SMARCD1: variants seen among roughly 807,000 people sequenced by gnomAD.
The protein encoded by SMARCD1 is SWI/SNF-related matrix-associated actin-dependent regulator of chromatin subfamily D member 1.
Under a neutral mutation model 70.8 loss-of-function variants are expected in SMARCD1, and 16 were observed. The observed-to-expected ratio is 0.23, with a 90% CI of 0.15 to 0.34. SMARCD1 has a LOEUF of 0.34. SMARCD1 is among the 10% of genes least tolerant of loss of function. The probability of loss-of-function intolerance (pLI) is 1.00; values close to 1 mark genes in which losing one functional copy is unlikely to be tolerated. For missense variants in SMARCD1, 409 were observed against 655.5 expected (o/e 0.62, Z 4.11); for synonymous variants, 249 against 246.0 (o/e 1.01, Z -0.11).
chr12:50,086,907 C>T (rs750657467), intron 4 of SMARCD1, 29 bp downstream of exon 4: 1 of 1,610,916 alleles, frequency 6.2e-7, no homozygotes. Flanking sequence ...AGGCAGAGAG[C>T]CAAAGGAGAG....
chr12:50,085,542 A>G lies in SMARCD1; in HGVS notation c.173A>G (p.Tyr58Cys). The G allele has an allele frequency of 2.4e-6, 3 of 1,225,504 alleles. No individual in the cohort carries two copies. The highest frequency in any genetic ancestry group is 3.0e-6 in the Non-Finnish European group (3 of 983,796). 75.9% of individuals were successfully genotyped at this position (1,225,504 alleles called of 1,614,324 possible). Residue 58 changes from tyrosine to cysteine, a missense_variant, in exon 1 of 13, where the codon TAT (tyrosine) becomes TGT (cysteine). Transcript: ENST00000394963. ...LYRSPMPGAA[Y>C]PRPGMLPGSR... ...CGCTCCCCGATGCCCGGAGCGGCCT[A>G]TCCGGTGAGTGGGGCAGGAGGAGGG...
At chr12:50,086,395 G>GAC (rs1044517094) in intron 2 of SMARCD1, 47 bp downstream of exon 2, 1 of 1,427,348 alleles carries the variant, frequency 7.0e-7, no homozygotes, top group African/African-American at 1.4e-5. Context: ...AGCCTGGGAG[G>GAC]ACACAGGTGG....
chr12:50,100,306 CAA>C lies in SMARCD1; in HGVS notation c.*1308_*1309del, dbSNP rs1330674526. On this transcript the variant is annotated 3_prime_UTR_variant, in exon 13 of 13. Coordinates refer to ENST00000394963, the MANE Select transcript of SMARCD1 (RefSeq NM_003076.5). ...ATGGGCTCTAAACCCACAGAACTGA[CAA>C]AGCCCCTGCTTCCCCACCCCCTCCT... is the stretch of plus-strand genomic sequence containing the variant. 2 of 152,678 alleles carry C rather than the reference CAA, an allele frequency of 1.3e-5. No individual in the cohort carries two copies. The highest frequency in any genetic ancestry group is 4.8e-5 in the African/African-American group (2 of 41,436). The allele number at this position is 152,678 out of a possible 1,614,324, so 9.5% of individuals were successfully genotyped here. A position where few individuals can be genotyped will look rare whatever the true frequency, so the allele number is the denominator to read the frequency against.
chr12:50,094,261 C>T (rs758382353), intron 9 of SMARCD1, among the ~76,000 whole-genome samples, 176 bp from the exon 10 acceptor site: 12 of 152,120 alleles, frequency 7.9e-5, no homozygotes, highest in Non-Finnish European at 1.5e-4. Flanking sequence ...TTTGCCAGAT[C>T]TGTACACCAT....
In SMARCD1 at chr12:50,094,433, C is replaced by T. The variant is rs776641584; in HGVS notation, c.1134-4C>T. 26 of 1,613,412 alleles carry T rather than the reference C, an allele frequency of 1.6e-5. No homozygotes were observed. Among genetic ancestry groups the T allele is most frequent in the Non-Finnish European group, 2.2e-5 (26 of 1,179,670 alleles). On this transcript the variant is annotated splice_region_variant and splice_polypyrimidine_tract_variant and intron_variant, in intron 9 of 12. Transcript: ENST00000394963. ...TTACCAGGCTCCTTTGGTTTCCTGT[C>T]CAGTGTTGACCCGAATGATCAGAAA...
intron 7 of SMARCD1, 126 bp downstream of exon 7, chr12:50,090,111 A>G (rs1003632041): frequency 7.8e-7 from 1 of 1,280,848 alleles, no homozygotes; most frequent in Admixed American, 2.0e-5. Context: ...AGTCTTAGTC[A>G]TCTCTGAGTT....
chr12:50,090,169 A>T, intron 7 of SMARCD1, 72 bp from the exon 8 acceptor site: 2 of 1,458,770 alleles, frequency 1.4e-6, no homozygotes, highest in Non-Finnish European at 1.9e-6. Flanking sequence ...TTATTTGTTG[A>T]ATAGCTTGAA....
intron 5 of SMARCD1, 58 bp downstream of exon 5, chr12:50,087,543 G>C: frequency 6.3e-7 from 1 of 1,590,194 alleles, no homozygotes; most frequent in Non-Finnish European, 8.6e-7. Context: ...GGAATGAACA[G>C]TGTTGTCTGG....
At chr12:50,092,232 T>C (rs1950850737) in intron 9 of SMARCD1, among the ~76,000 whole-genome samples, 1 of 112,098 alleles carries the variant, frequency 8.9e-6, no homozygotes, top group Non-Finnish European at 1.8e-5. Context: ...CTTTTCTTTC[T>C]TTCTTTTTTT....
intron 11 of SMARCD1, 21 bp downstream of exon 11, chr12:50,096,993 C>T (rs368159283): frequency 1.2e-6 from 2 of 1,600,198 alleles, no homozygotes; most frequent in Non-Finnish European, 8.5e-7. Flanking sequence ...TAGGAGAGGT[C>T]TGAAGGGACT....
At chr12:50,089,190 A>C (rs1216624035) in intron 6 of SMARCD1, 3 of 152,304 alleles carry the variant, frequency 2.0e-5, no homozygotes, top group Non-Finnish European at 4.4e-5. Context: ...GCAAAACCAG[A>C]ATGACAGTCC....
Position 50,086,282 on chromosome 12 carries a change from G to A in SMARCD1, c.299G>A (p.Arg100His). The change falls in exon 2 of 13, where the codon CGC becomes CAC. Residue 100 changes from arginine to histidine, a missense_variant. Arg to His is a conservative substitution (Grantham distance 29, BLOSUM62 0). Coordinates refer to ENST00000394963, the MANE Select transcript of SMARCD1 (RefSeq NM_003076.5). ...GCCCAGTCAGGGATGGATCAGTCCCGCAAGAGACCTGCCCCTCAGCAGATC... is the reference window on the plus strand; with the variant it reads ...GCCCAGTCAGGGATGGATCAGTCCCACAAGAGACCTGCCCCTCAGCAGATC... ...GLAQSGMDQS[R>H]KRPAPQQIQQ... is the part of the protein sequence containing the mutation. 1 of 1,610,506 alleles carries A rather than the reference G, an allele frequency of 6.2e-7. No homozygotes were observed. The highest frequency in any genetic ancestry group is 2.2e-5 in the East Asian group (1 of 44,656).
intron 5 of SMARCD1, 35 bp from the exon 6 acceptor site, chr12:50,088,486 C>G: frequency 8.2e-7 from 1 of 1,226,220 alleles, no homozygotes; most frequent in Non-Finnish European, 1.2e-6. Context: ...TTCTTCTGGC[C>G]TTTCCTAATG....
At chr12:50,098,513 G>T in intron 11 of SMARCD1, 1 of 587,468 alleles carries the variant, frequency 1.7e-6, no homozygotes, top group Non-Finnish European at 3.0e-6. Context: ...GTCATATTAG[G>T]GGGTACTCTA....
At chr12:50,087,534 G>A in intron 5 of SMARCD1, 49 bp downstream of exon 5, 1 of 1,604,410 alleles carries the variant, frequency 6.2e-7, no homozygotes, top group Non-Finnish European at 8.5e-7. Flanking sequence ...GAGCTGCTGG[G>A]AATGAACAGT....
In SMARCD1 at chr12:50,099,361, C is replaced by G; in HGVS notation, c.*361C>G. The G allele has an allele frequency of 2.1e-6, 1 of 466,662 alleles. No individual in the cohort carries two copies. Among genetic ancestry groups the G allele is most frequent in the Non-Finnish European group, 3.8e-6 (1 of 265,506 alleles). 28.9% of individuals were successfully genotyped at this position (466,662 alleles called of 1,614,324 possible). A position where few individuals can be genotyped will look rare whatever the true frequency, so the allele number is the denominator to read the frequency against. The stretch of plus-strand genomic sequence containing the variant: ...AGGGGACCAGCTAACTGATCCTGCC[C>G]TTCAGAGACCCAGGAGTTGGGAGCT... On this transcript the variant is annotated 3_prime_UTR_variant, in exon 13 of 13. Transcript: ENST00000394963.
At chr12:50,088,077 A>G (rs1394607532) in intron 5 of SMARCD1, among the ~76,000 whole-genome samples, 1 of 152,138 alleles carries the variant, frequency 6.6e-6, no homozygotes, top group Admixed American at 6.5e-5. Flanking sequence ...TTTGCAGGAG[A>G]ACCAGGGCTC....
rs780514663 is a variant in SMARCD1 at position 50,088,304 on chromosome 12, C to T, written c.655-217C>T. On this transcript the variant is annotated intron_variant, in intron 5 of 12. Coordinates refer to ENST00000394963, the MANE Select transcript of SMARCD1 (RefSeq NM_003076.5). The stretch of plus-strand genomic sequence containing the variant: ...CAAATGAGATGGGTAAAACAGTGAC[C>T]CTCTATGTGTTCTAGGCTGCTTCTT... 16 of 702,970 alleles carry T rather than the reference C, an allele frequency of 2.3e-5. No homozygotes were observed. In the Admixed American group the frequency reaches 2.6e-4, roughly 11 times the overall value. The allele number at this position is 702,970 out of a possible 1,614,324, so 43.5% of individuals were successfully genotyped here.
At chr12:50,085,708 A>T in intron 1 of SMARCD1, 162 bp downstream of exon 1, 1 of 501,056 alleles carries the variant, frequency 2.0e-6, no homozygotes, top group East Asian at 3.6e-5. Flanking sequence ...AGGGGGAGGC[A>T]GTTACACACC....
Sources: allele counts gnomAD v4.1 joint callset (sites outside exome capture counted in the v4.1 genomes callset), GRCh38; gene constraint gnomAD v4.1.1; transcripts MANE v1.5; gene names NCBI Gene and HGNC (gene_info 2026-07-23, HGNC 2026-07-21).